THSD4: variants seen among roughly 807,000 people sequenced by gnomAD.
The protein encoded by THSD4 is thrombospondin type-1 domain-containing protein 4.
Under a neutral mutation model 119.0 loss-of-function variants are expected in THSD4, and 69 were observed. The observed-to-expected ratio is 0.58, with a 90% confidence interval of 0.48 to 0.71. The LOEUF (loss-of-function observed/expected upper bound fraction) is 0.71. THSD4 is among the 30% of genes least tolerant of loss of function. THSD4 has a pLI of 0.00. For synonymous variants in THSD4, 524 were observed against 540.4 expected (o/e 0.97, Z 0.42); for missense variants, 1,393 against 1,391.1 (o/e 1.00, Z -0.02).
intron 8 of THSD4, among the ~76,000 whole-genome samples, chr15:71,703,508 A>C (rs1430510855): frequency 6.6e-6 from 1 of 152,204 alleles, no homozygotes; most frequent in Non-Finnish European, 1.5e-5. Flanking sequence ...CTGATTAAGC[A>C]AGGGAGGAAC....
chr15:71,594,759 G>A (rs1010646715), intron 7 of THSD4, among the ~76,000 whole-genome samples: 10 of 152,182 alleles, frequency 6.6e-5, no homozygotes, highest in Non-Finnish European at 1.0e-4. Context: ...ATGTGCATGA[G>A]GGGAAATAAG....
chr15:71,155,549 A>C (rs1469387954), intron 3 of THSD4, among the ~76,000 whole-genome samples: 1 of 152,174 alleles, frequency 6.6e-6, no homozygotes, highest in African/African-American at 2.4e-5. Context: ...CCAGCTTTGC[A>C]ACATGTGTTT....
intron 8 of THSD4, among the ~76,000 whole-genome samples, chr15:71,675,882 C>A (rs1054423348): frequency 1.3e-5 from 2 of 152,200 alleles, no homozygotes; most frequent in Non-Finnish European, 2.9e-5. Flanking sequence ...TGTCTTCTCA[C>A]TTCCCAGCCA....
intron 6 of THSD4, among the ~76,000 whole-genome samples, chr15:71,312,385 C>T (rs2045123471): frequency 1.3e-5 from 2 of 151,860 alleles, no homozygotes; most frequent in South Asian, 2.1e-4. Flanking sequence ...ATGAGGCTGC[C>T]AGGGTGGGTC....
chr15:71,648,172 G>A (rs781049937), intron 7 of THSD4, among the ~76,000 whole-genome samples: 1 of 152,182 alleles, frequency 6.6e-6, no homozygotes, highest in African/African-American at 2.4e-5. Context: ...TGGCAAAATA[G>A]GGATAGTAAT....
intron 7 of THSD4, among the ~76,000 whole-genome samples, chr15:71,442,585 T>TATATATATAAA: frequency 3.8e-5 from 1 of 26,330 alleles, no homozygotes; most frequent in South Asian, 1.8e-3. Context: ...AAAAAATATA[T>TATATATATAAA]ATATATATAT....
chr15:71,763,091 G>T (rs1178520128), intron 15 of THSD4, among the ~76,000 whole-genome samples: 1 of 151,842 alleles, frequency 6.6e-6, no homozygotes, highest in Non-Finnish European at 1.5e-5. Context: ...TTTTTTTTTA[G>T]TAAAAAAATC....
At chr15:71,496,070 T>C (rs1019859778) in intron 7 of THSD4, among the ~76,000 whole-genome samples, 2 of 152,224 alleles carry the variant, frequency 1.3e-5, no homozygotes, top group African/African-American at 4.8e-5. Flanking sequence ...GGGATAGATT[T>C]AGCTAAATAC....
At chr15:71,615,361 A>C (rs778120933) in intron 7 of THSD4, among the ~76,000 whole-genome samples, 11 of 152,224 alleles carry the variant, frequency 7.2e-5, no homozygotes, top group Non-Finnish European at 1.0e-4. Context: ...TAAGTAAATT[A>C]ATAAGACAAC....
intron 6 of THSD4, among the ~76,000 whole-genome samples, chr15:71,295,736 A>G (rs967547813): frequency 2.0e-5 from 3 of 152,030 alleles, no homozygotes; most frequent in African/African-American, 7.2e-5. Context: ...AATGAGTTTT[A>G]GTAAGTTTAC....
intron 14 of THSD4, among the ~76,000 whole-genome samples, chr15:71,750,473 C>G (rs2053427576): frequency 6.6e-6 from 1 of 152,234 alleles, no homozygotes; most frequent in South Asian, 2.1e-4. Context: ...GGAGTGTTAT[C>G]CAGAAAGAGA....
intron 8 of THSD4, among the ~76,000 whole-genome samples, chr15:71,725,867 C>T (rs1443983249): frequency 6.6e-6 from 1 of 152,024 alleles, no homozygotes; most frequent in African/African-American, 2.4e-5. Flanking sequence ...CCACAACCTC[C>T]ATCTCCCAGG....
intron 5 of THSD4, among the ~76,000 whole-genome samples, chr15:71,250,236 T>C (rs1394749670): frequency 6.6e-6 from 1 of 152,206 alleles, no homozygotes; most frequent in African/African-American, 2.4e-5. Flanking sequence ...GCACCCTGCC[T>C]CAGCAGATAG....
chr15:71,695,194 C>T (rs917635747), intron 8 of THSD4, among the ~76,000 whole-genome samples: 1 of 152,188 alleles, frequency 6.6e-6, no homozygotes, highest in Non-Finnish European at 1.5e-5. Context: ...TTAGAGAAAT[C>T]ATTTCCTTGC....
At position 71,141,572 on chromosome 15, in the gene THSD4, T is replaced by G; in HGVS notation, c.29+16T>G. The G allele has an allele frequency of 1.2e-6, 2 of 1,603,088 alleles. No homozygotes were observed. Among genetic ancestry groups the G allele is most frequent in the Non-Finnish European group, 1.7e-6 (2 of 1,175,848 alleles). ...GGTCTCTCAGGTAAGTGAAGAAACT[T>G]TTTTTAAAAAAACAGGAGAATAAGA... On this transcript the variant is annotated intron_variant, in intron 2 of 17. Transcript: ENST00000261862.
intron 5 of THSD4, among the ~76,000 whole-genome samples, chr15:71,244,062 A>G (rs1323396265): frequency 6.7e-6 from 1 of 149,348 alleles, no homozygotes; most frequent in Non-Finnish European, 1.5e-5. Flanking sequence ...TGGGATTACA[A>G]GTGTGAGCCA....
chr15:71,627,421 A>G (rs1047474325), intron 7 of THSD4, among the ~76,000 whole-genome samples: 7 of 152,224 alleles, frequency 4.6e-5, no homozygotes, highest in African/African-American at 1.7e-4. Flanking sequence ...GACTTTCCTC[A>G]GAGAATCTGA....
intron 6 of THSD4, among the ~76,000 whole-genome samples, chr15:71,322,026 TAAAAA>T (rs539984755): frequency 1.4e-5 from 2 of 144,888 alleles, no homozygotes; most frequent in African/African-American, 2.5e-5. Flanking sequence ...CACATGGACT[TAAAAA>T]AAAAAAAGTG....
At chr15:71,442,695 T>TATATACATAC (rs2047126308) in intron 7 of THSD4, among the ~76,000 whole-genome samples, 1 of 118,442 alleles carries the variant, frequency 8.4e-6, no homozygotes, top group African/African-American at 3.1e-5. Flanking sequence ...TATATATATA[T>TATATACATAC]ATATATATGA....
Sources: gnomAD v4.1 joint callset for allele counts (sites outside exome capture counted in the v4.1 genomes callset) on GRCh38, gnomAD v4.1.1 for gene constraint, MANE v1.5 for transcripts, NCBI Gene and HGNC (gene_info 2026-07-23, HGNC 2026-07-21) for gene names.